Variants in UBXN2B observed in about 807,000 individuals in gnomAD.
UBXN2B encodes UBX domain protein 2B.
A neutral mutation model predicts 37.5 loss-of-function variants in UBXN2B; 19 were observed. The ratio of observed to expected loss-of-function variants is 0.51; its 90% CI spans 0.35 to 0.74. UBXN2B has a LOEUF of 0.74. Ranked by LOEUF, UBXN2B falls within the 30% of genes least tolerant of loss-of-function variation. The pLI is 0.01. For missense variants in UBXN2B, 370 were observed against 393.2 expected (o/e 0.94, Z 0.50); for synonymous variants, 145 against 143.8 (o/e 1.01, Z -0.06).
At chr8:58,428,221 G>GT (rs1418713655) in intron 2 of UBXN2B, among the ~76,000 whole-genome samples, 1 of 152,146 alleles carries the variant, frequency 6.6e-6, no homozygotes, top group African/African-American at 2.4e-5. Flanking sequence ...CAGATAATAT[G>GT]TTTAAGGTTT....
rs752409715 is a variant in UBXN2B at position 58,447,379 on chromosome 8, A to C, written c.834-10A>C. On this transcript the variant is annotated splice_polypyrimidine_tract_variant and intron_variant, in intron 7 of 7. Coordinates refer to ENST00000399598, the MANE Select transcript of UBXN2B (RefSeq NM_001077619.2). ...TTATATTACAAATTATTTTTGTCTTATTTCTTCAGGATCCTGGATGTCCGG... is the reference window on the plus strand; with the variant it reads ...TTATATTACAAATTATTTTTGTCTTCTTTCTTCAGGATCCTGGATGTCCGG... The C allele has an allele frequency of 6.5e-7, 1 of 1,550,076 alleles. No homozygotes were observed. Among genetic ancestry groups the C allele is most frequent in the Non-Finnish European group, 8.7e-7 (1 of 1,147,950 alleles).
intron 2 of UBXN2B, among the ~76,000 whole-genome samples, chr8:58,419,926 T>C (rs992638895): frequency 4.6e-5 from 7 of 152,240 alleles, no homozygotes; most frequent in Admixed American, 3.3e-4. Flanking sequence ...GCTGTTACTG[T>C]TTTGAAATTC....
chr8:58,427,830 TTGA>T (rs1808143493), intron 2 of UBXN2B, among the ~76,000 whole-genome samples: 1 of 152,164 alleles, frequency 6.6e-6, no homozygotes, highest in African/African-American at 2.4e-5. Context: ...GATAAATATT[TTGA>T]TGATGACATG....
chr8:58,416,027 T>A lies in UBXN2B; in HGVS notation c.85-823T>A, dbSNP rs1315117281. On this transcript the variant is annotated intron_variant, in intron 1 of 7. Transcript: ENST00000399598. ...AATCTGTTTTGTTATGATTTTGGGT[T>A]TTTTTGTTTGTTTGTTTTTTGGGTT... Among the ~76,000 whole-genome samples the A allele has an allele frequency of 2.0e-5, 3 of 151,926 alleles. No individual in the cohort carries two copies. In the South Asian group the frequency reaches 6.2e-4, roughly 32 times the overall value.
intron 2 of UBXN2B, chr8:58,426,398 C>T (rs557805702): frequency 6.4e-5 from 34 of 527,178 alleles, no homozygotes; most frequent in East Asian, 2.2e-4. Flanking sequence ...TTAGTAGAGA[C>T]GGGGTTTCAC....
chr8:58,436,459 T>A (rs1808414056), intron 5 of UBXN2B, among the ~76,000 whole-genome samples: 1 of 152,246 alleles, frequency 6.6e-6, no homozygotes, highest in African/African-American at 2.4e-5. Flanking sequence ...ACAAATCTCC[T>A]GTTGCAGTGC....
chr8:58,438,337 C>T (rs1808465487), intron 5 of UBXN2B, among the ~76,000 whole-genome samples: 1 of 152,356 alleles, frequency 6.6e-6, no homozygotes, highest in Admixed American at 6.5e-5. Flanking sequence ...GAGGTGCCAC[C>T]TCCAGACCCA....
rs756083192 is a variant in UBXN2B, at chr8:58,447,384, T to C, written c.834-5T>C. The C allele has an allele frequency of 6.4e-7, 1 of 1,568,432 alleles. No homozygotes were observed. The highest frequency in any genetic ancestry group is 1.8e-5 in the Admixed American group (1 of 54,512). On this transcript the variant is annotated splice_polypyrimidine_tract_variant and splice_region_variant and intron_variant, in intron 7 of 7. Transcript: ENST00000399598. The stretch of plus-strand genomic sequence containing the variant: ...TTACAAATTATTTTTGTCTTATTTC[T>C]TCAGGATCCTGGATGTCCGGAACTT...
At chr8:58,443,222 A>C (rs1429669763) in intron 6 of UBXN2B, among the ~76,000 whole-genome samples, 1 of 152,120 alleles carries the variant, frequency 6.6e-6, no homozygotes, top group Admixed American at 6.5e-5. Context: ...TCACATTCTT[A>C]TTATGTTTCC....
chr8:58,438,262 A>G (rs1179787057), intron 5 of UBXN2B, among the ~76,000 whole-genome samples: 1 of 152,208 alleles, frequency 6.6e-6, no homozygotes, highest in Non-Finnish European at 1.5e-5. Flanking sequence ...CCAAAGGGAA[A>G]TGTGAGGTTG....
chr8:58,441,428 G>A (rs1388938361), intron 6 of UBXN2B, among the ~76,000 whole-genome samples: 6 of 142,426 alleles, frequency 4.2e-5, no homozygotes, highest in Admixed American at 1.4e-4. Context: ...TCTTAATTTT[G>A]TATCACTTCC....
Position 58,450,127 on chromosome 8 carries a change from T to C in UBXN2B, c.*2576T>C, listed in dbSNP as rs1432166773. ...GTTATACAGCCATATCTTCATCACT[T>C]TCTCTAGAGTAAAGGCTGTCCTGAC... On this transcript the variant is annotated 3_prime_UTR_variant, in exon 8 of 8. Transcript: ENST00000399598. 1.3e-5 allele frequency: 2 copies of C among 152,224 alleles called. No homozygotes were observed. Among genetic ancestry groups the C allele is most frequent in the Non-Finnish European group, 2.9e-5 (2 of 68,042 alleles). The allele number at this position is 152,224 out of a possible 1,614,324, so 9.4% of individuals were successfully genotyped here. A position where few individuals can be genotyped will look rare whatever the true frequency, so the allele number is the denominator to read the frequency against.
At chr8:58,445,656 A>C (rs1165505840) in intron 6 of UBXN2B, among the ~76,000 whole-genome samples, 1 of 152,202 alleles carries the variant, frequency 6.6e-6, no homozygotes, top group Non-Finnish European at 1.5e-5. Context: ...GTATTTCTAA[A>C]TAAAACTGGT....
At chr8:58,435,008 CA>C in intron 5 of UBXN2B, 1 of 1,515,686 alleles carries the variant, frequency 6.6e-7, no homozygotes, top group South Asian at 1.2e-5. Flanking sequence ...CTCACCCATC[CA>C]AAGAACATTG....
intron 2 of UBXN2B, chr8:58,426,627 A>G (rs17261333): frequency 0.046 from 34,245 of 745,052 alleles, 1,039 homozygotes; most frequent in South Asian, 0.08. Context: ...TCTTATCAAC[A>G]GTGGGTTTTC....
intron 6 of UBXN2B, among the ~76,000 whole-genome samples, chr8:58,443,331 C>A (rs186573789): frequency 1.3e-5 from 2 of 152,266 alleles, no homozygotes; most frequent in African/African-American, 4.8e-5. Context: ...AACCTACATC[C>A]TTTCCTGCCA....
intron 5 of UBXN2B, chr8:58,434,766 T>C: frequency 3.3e-6 from 5 of 1,511,004 alleles, no homozygotes; most frequent in South Asian, 1.2e-5. Context: ...TGAACCCAGC[T>C]CCAAGAAGAA....
Position 58,433,355 on chromosome 8 carries a change from A to G in UBXN2B, c.423+112A>G, listed in dbSNP as rs948435908. 3.4e-5 allele frequency: 28 copies of G among 831,674 alleles called. No individual in the cohort carries two copies. In the African/African-American group the frequency reaches 4.4e-4, roughly 13 times the overall value. The allele number at this position is 831,674 out of a possible 1,614,324, so 51.5% of individuals were successfully genotyped here. A position where few individuals can be genotyped will look rare whatever the true frequency, so the allele number is the denominator to read the frequency against. On this transcript the variant is annotated intron_variant, in intron 4 of 7. Transcript: ENST00000399598. Reference sequence around the variant, plus strand: ...CAAATATATTTTTGTTACTTTTTAAAACATGGGTTAAAAGGACCAATGATG... The same window carrying G: ...CAAATATATTTTTGTTACTTTTTAAGACATGGGTTAAAAGGACCAATGATG...
chr8:58,426,391 G>A, intron 2 of UBXN2B: 1 of 510,150 alleles, frequency 2.0e-6, no homozygotes, highest in Admixed American at 3.1e-5. Context: ...GTATTTTTTA[G>A]TAGAGACGGG....
Sources: allele counts gnomAD v4.1 joint callset (sites outside exome capture counted in the v4.1 genomes callset), GRCh38; gene constraint gnomAD v4.1.1; transcripts MANE v1.5; gene names NCBI Gene and HGNC (gene_info 2026-07-23, HGNC 2026-07-21).